The following SPON1 variants were observed in gnomAD, a reference collection of about 807,000 sequenced individuals.
SPON1 encodes the protein spondin-1.
In SPON1, 52 loss-of-function variants were observed where a neutral mutation model predicts 111.7. The ratio of observed to expected loss-of-function variants is 0.47; its 90% CI spans 0.37 to 0.59. The LOEUF is 0.59. Ranked by LOEUF, SPON1 falls within the 20% of genes least tolerant of loss-of-function variation. The pLI is 0.00. For missense variants in SPON1, 957 were observed against 1,068.5 expected, an observed-to-expected ratio of 0.90 and a Z score of 1.46; for synonymous variants, 410 against 395.8, an observed-to-expected ratio of 1.04 and a Z score of -0.43.
At chr11:14,148,669 G>A (rs1847753179) in intron 6 of SPON1, among the ~76,000 whole-genome samples, 1 of 152,142 alleles carries the variant, frequency 6.6e-6, no homozygotes, top group African/African-American at 2.4e-5. Context: ...AATGCTAGTG[G>A]CAACACAGGA....
chr11:13,987,579 G>A (rs1243030491), intron 2 of SPON1, among the ~76,000 whole-genome samples: 2 of 152,072 alleles, frequency 1.3e-5, no homozygotes, highest in African/African-American at 2.4e-5. Flanking sequence ...TGTCAATTTT[G>A]GCTTTTGTTA....
At chr11:14,149,243 C>T (rs1441564765) in intron 6 of SPON1, among the ~76,000 whole-genome samples, 1 of 151,914 alleles carries the variant, frequency 6.6e-6, no homozygotes, top group East Asian at 1.9e-4. Flanking sequence ...TGATCCTGAC[C>T]CTGTAAAGGC....
At chr11:14,185,725 G>A (rs1848279611) in intron 6 of SPON1, among the ~76,000 whole-genome samples, 1 of 152,250 alleles carries the variant, frequency 6.6e-6, no homozygotes, top group African/African-American at 2.4e-5. Flanking sequence ...GGCTTCTCCA[G>A]ACTCCTTTTG....
chr11:14,262,692 G>A lies in SPON1; in HGVS notation c.1997-20G>A, dbSNP rs781942463. The A allele has an allele frequency of 3.1e-6, 5 of 1,613,778 alleles. No homozygotes were observed. The highest frequency in any genetic ancestry group is 4.2e-6 in the Non-Finnish European group (5 of 1,179,776). ...TGTTTCAGACATGTGATACACTCAT[G>A]CCCATCTGTGTCTTGCCAGCCATTG... On this transcript the variant is annotated intron_variant, in intron 14 of 15. Coordinates refer to ENST00000576479, the MANE Select transcript of SPON1 (RefSeq NM_006108.4).
At chr11:14,069,848 GGAGTCTTGTAGATA>G (rs540398157) in intron 3 of SPON1, among the ~76,000 whole-genome samples, 160 of 151,810 alleles carry the variant, frequency 1.1e-3, no homozygotes, top group African/African-American at 3.8e-3. Context: ...TACAAGTCAT[GGAGTCTTGTAGATA>G]GAGTCTTGTA....
intron 6 of SPON1, among the ~76,000 whole-genome samples, chr11:14,183,924 T>C (rs1172315269): frequency 1.3e-5 from 2 of 152,192 alleles, no homozygotes; most frequent in Non-Finnish European, 2.9e-5. Context: ...ATTGTATTTA[T>C]CAAATATAGT....
chr11:14,243,314 T>A lies in SPON1; in HGVS notation c.826-18T>A. 1 of 1,570,758 alleles carries A rather than the reference T, an allele frequency of 6.4e-7. No homozygotes were observed. Among genetic ancestry groups the A allele is most frequent in the Non-Finnish European group, 8.6e-7 (1 of 1,157,000 alleles). ...AGCCCAGCTCTGTTCACTAAATATT[T>A]GTGGTCCTTTTTTGCAGAGTGATGA... is the stretch of plus-strand genomic sequence containing the variant. On this transcript the variant is annotated intron_variant, in intron 6 of 15. Coordinates refer to ENST00000576479, the MANE Select transcript of SPON1 (RefSeq NM_006108.4).
At position 13,998,831 on chromosome 11, in the gene SPON1, A is replaced by G. The variant is rs113990748; in HGVS notation, c.345+15878A>G. 5.0e-3 allele frequency among the ~76,000 whole-genome samples: 758 copies of G among 152,322 alleles called. 1 individual carries two copies. The highest frequency in any genetic ancestry group is 0.017 in the African/African-American group (713 of 41,582). On this transcript the variant is annotated intron_variant, in intron 2 of 15. Coordinates refer to ENST00000576479, the MANE Select transcript of SPON1 (RefSeq NM_006108.4). ...TGGAACTAGCATTGTTTCCACATCT[A>G]TTTTCTAAAGGTCTAGAAATCATTT...
chr11:14,166,763 A>G (rs1848034778), intron 6 of SPON1, among the ~76,000 whole-genome samples: 2 of 152,178 alleles, frequency 1.3e-5, no homozygotes, highest in Admixed American at 6.5e-5. Flanking sequence ...TGGAACACAT[A>G]CTCATAACAT....
chr11:14,027,243 C>T (rs1171487035), intron 2 of SPON1, among the ~76,000 whole-genome samples: 3 of 152,212 alleles, frequency 2.0e-5, no homozygotes, highest in African/African-American at 4.8e-5. Context: ...CAGTTTTCTT[C>T]GACTGACCTC....
chr11:14,173,559 A>G (rs1848135005), intron 6 of SPON1, among the ~76,000 whole-genome samples: 1 of 152,048 alleles, frequency 6.6e-6, no homozygotes, highest in Admixed American at 6.6e-5. Flanking sequence ...TTTGGAGGAG[A>G]AGGGGTGCTC....
chr11:14,265,292 G>C (rs530786167), intron 15 of SPON1, among the ~76,000 whole-genome samples: 19 of 152,336 alleles, frequency 1.2e-4, no homozygotes, highest in Middle Eastern at 3.4e-3. Context: ...AGATTCAAGA[G>C]GTGGAGAAAC....
intron 6 of SPON1, among the ~76,000 whole-genome samples, chr11:14,162,808 C>A (rs1294263460): frequency 6.6e-6 from 1 of 152,166 alleles, no homozygotes; most frequent in Non-Finnish European, 1.5e-5. Flanking sequence ...ACTGCAGAAG[C>A]AGAAGCGTGC....
chr11:14,027,941 A>G (rs1202609512), intron 2 of SPON1, among the ~76,000 whole-genome samples: 2 of 152,156 alleles, frequency 1.3e-5, no homozygotes, highest in East Asian at 1.9e-4. Context: ...CCCCAATTAC[A>G]TGGTTCTATT....
intron 14 of SPON1, 130 bp downstream of exon 14, chr11:14,260,882 C>T (rs568974139): frequency 9.7e-7 from 1 of 1,034,596 alleles, no homozygotes; most frequent in Non-Finnish European, 1.4e-6. Flanking sequence ...TGGGGTTTGG[C>T]TTTCAGTGTT....
At chr11:14,222,559 G>A (rs1283610525) in intron 6 of SPON1, among the ~76,000 whole-genome samples, 1 of 152,070 alleles carries the variant, frequency 6.6e-6, no homozygotes, top group Non-Finnish European at 1.5e-5. Context: ...CTAGTTTGGG[G>A]AGCACTGACA....
At chr11:14,204,756 C>T (rs1210175254) in intron 6 of SPON1, among the ~76,000 whole-genome samples, 1 of 151,930 alleles carries the variant, frequency 6.6e-6, no homozygotes, top group African/African-American at 2.4e-5. Flanking sequence ...GCAGTCTCGG[C>T]TTACTGCAAG....
In SPON1 at chr11:14,228,801, T is replaced by A. The variant is rs1230436944; in HGVS notation, c.826-14531T>A. 6.6e-6 allele frequency among the ~76,000 whole-genome samples: 1 copy of A among 152,222 alleles called. No individual in the cohort carries two copies. The highest frequency in any genetic ancestry group is 1.5e-5 in the Non-Finnish European group (1 of 68,044). On this transcript the variant is annotated intron_variant, in intron 6 of 15. Transcript: ENST00000576479. This position sits in a 1 kb window ranked among gnomAD's most constrained non-coding sequence, Gnocchi z 4.2. ...AAAGTTGTATAGGGCAACCGTGAGA[T>A]GTGAAAACAAATGCATCCCAGCCAC...
At chr11:14,121,142 A>G (rs1429506861) in intron 5 of SPON1, among the ~76,000 whole-genome samples, 1 of 152,226 alleles carries the variant, frequency 6.6e-6, no homozygotes, top group Non-Finnish European at 1.5e-5. Flanking sequence ...AAAACAAACC[A>G]GAGGTTGCCA....
Sources: gnomAD v4.1 joint callset for allele counts (sites outside exome capture counted in the v4.1 genomes callset) on GRCh38, gnomAD v4.1.1 for gene constraint, Gnocchi (gnomAD v3.1) non-coding constraint, MANE v1.5 for transcripts, NCBI Gene and HGNC (gene_info 2026-07-23, HGNC 2026-07-21) for gene names.